The following SSUH2 variants were observed in gnomAD, a reference collection of about 807,000 sequenced individuals.
SSUH2 encodes ssu-2 homolog.
A neutral mutation model predicts 55.3 loss-of-function variants in SSUH2; 47 were observed. The ratio of observed to expected loss-of-function variants is 0.85; its 90% CI spans 0.67 to 1.08. The LOEUF is 1.08. Among genes scored for constraint, SSUH2 ranks in the 50% least tolerant of loss-of-function variants. The pLI is 0.00. For missense variants in SSUH2, 535 were observed against 490.7 expected (o/e 1.09, Z -0.85); for synonymous variants, 212 against 191.5 (o/e 1.11, Z -0.89).
At chr3:8,631,365 T>C (rs1050304493) in intron 5 of SSUH2, among the ~76,000 whole-genome samples, 5 of 152,164 alleles carry the variant, frequency 3.3e-5, no homozygotes, top group African/African-American at 1.2e-4. Flanking sequence ...CACCATCCCA[T>C]CTTCTTCCTC....
chr3:8,623,325 T>C lies in SSUH2; in HGVS notation c.981+224A>G, dbSNP rs1696824510. ...CTGCAATCGCTTCTGGGAATAAAAA[T>C]GCAAACTTCTCCTGCGACCCACGGT... On this transcript the variant is annotated intron_variant, in intron 11 of 11. Coordinates refer to ENST00000544814, the MANE Select transcript of SSUH2 (RefSeq NM_001256748.3). The C allele has an allele frequency of 9.6e-6, 5 of 521,992 alleles. No individual in the cohort carries two copies. The South Asian group carries it at 1.3e-4, about 14-fold the overall frequency. The allele number at this position is 521,992 out of a possible 1,614,324, so 32.3% of individuals were successfully genotyped here.
Position 8,678,879 on chromosome 3 carries a change from T to C in SSUH2, c.-901+826A>G, listed in dbSNP as rs1214146763. ...TCTTCCCCCAGCCTGGCTCTTAGGATCCCCATTGCAAGGGAGGGAGGCACC... is the reference window on the plus strand; with the variant it reads ...TCTTCCCCCAGCCTGGCTCTTAGGACCCCCATTGCAAGGGAGGGAGGCACC... On this transcript the variant is annotated intron_variant, in intron 2 of 18. Transcript: ENST00000317371. Among the ~76,000 whole-genome samples, 172 of 71,626 alleles carry C rather than the reference T, an allele frequency of 2.4e-3. 37 individuals carry two copies. Among genetic ancestry groups the C allele is most frequent in the South Asian group, 4.4e-3 (8 of 1,824 alleles). 47.0% of individuals were successfully genotyped at this position (71,626 alleles called of 152,430 possible).
chr3:8,629,639 C>CACCAGTGGTTCACAGATGACTCA, intron 7 of SSUH2, 25 bp downstream of exon 7: 1 of 1,613,694 alleles, frequency 6.2e-7, no homozygotes, highest in Non-Finnish European at 8.5e-7. Flanking sequence ...CTCACTGACT[C>CACCAGTGGTTCACAGATGACTCA]ACCAGTGGTT....
Position 8,635,858 on chromosome 3 carries a change from C to A in SSUH2, c.29-1G>T. The A allele has an allele frequency of 5.2e-6, 8 of 1,535,852 alleles. No individual in the cohort carries two copies. Among genetic ancestry groups the A allele is most frequent in the Non-Finnish European group, 7.0e-6 (8 of 1,146,742 alleles). On this transcript the variant is annotated splice_acceptor_variant, in intron 1 of 11. Coordinates refer to ENST00000544814, the MANE Select transcript of SSUH2 (RefSeq NM_001256748.3). LOFTEE classifies it high-confidence loss of function. ...GCCTCAAAACTGAGGTCCACCACAC[C>A]TGCAGAAAGACAAGCATTCCTAAGC...
At chr3:8,628,791 A>G (rs1176959675) in intron 7 of SSUH2, among the ~76,000 whole-genome samples, 1 of 152,130 alleles carries the variant, frequency 6.6e-6, no homozygotes. Context: ...CCTAGCCCAC[A>G]CCTTGATTTT....
At chr3:8,657,081 A>G (rs1475399764) in intron 7 of SSUH2, among the ~76,000 whole-genome samples, 2 of 152,152 alleles carry the variant, frequency 1.3e-5, no homozygotes, top group Non-Finnish European at 2.9e-5. Context: ...GGGTTTTGCC[A>G]TGTTGGCCAA....
chr3:8,634,532 C>T (rs761089081), intron 3 of SSUH2: 96 of 1,289,676 alleles, frequency 7.4e-5, no homozygotes, highest in Non-Finnish European at 9.0e-5. Flanking sequence ...CCAGCATCCT[C>T]CAGCCCTGGC....
intron 9 of SSUH2, among the ~76,000 whole-genome samples, 197 bp from the exon 10 acceptor site, chr3:8,625,844 T>A (rs1373950303): frequency 1.3e-5 from 2 of 152,178 alleles, no homozygotes; most frequent in East Asian, 1.9e-4. Flanking sequence ...TTCAGCTCCA[T>A]TACCTCATTT....
intron 7 of SSUH2, among the ~76,000 whole-genome samples, chr3:8,653,871 G>A (rs761545393): frequency 5.3e-5 from 8 of 152,080 alleles, no homozygotes; most frequent in African/African-American, 1.7e-4. Context: ...GCCACTTTCC[G>A]GTACTCACTC....
intron 4 of SSUH2, among the ~76,000 whole-genome samples, chr3:8,633,226 C>T (rs1377936457): frequency 2.6e-5 from 4 of 150,966 alleles, no homozygotes; most frequent in African/African-American, 9.7e-5. Flanking sequence ...TCACCACAAC[C>T]TCCGCCTCCC....
At chr3:8,648,489 T>C (rs1345479124), upstream of SSUH2, among the ~76,000 whole-genome samples, 1 of 152,172 alleles carries the variant, frequency 6.6e-6, no homozygotes, top group African/African-American at 2.4e-5. Context: ...GAAGGTCACC[T>C]TCCACCTTTC....
At chr3:8,655,642 G>A (rs1217391764) in intron 7 of SSUH2, among the ~76,000 whole-genome samples, 4 of 152,186 alleles carry the variant, frequency 2.6e-5, no homozygotes, top group Admixed American at 6.5e-5. Flanking sequence ...CTTGGAACTC[G>A]TTATGCACAC....
chr3:8,659,608 A>C, intron 6 of SSUH2: 1 of 329,248 alleles, frequency 3.0e-6, no homozygotes. Context: ...AATCTGCTGG[A>C]GGCCGGGGGC....
At chr3:8,675,305 C>A (rs1455849528) in intron 3 of SSUH2, among the ~76,000 whole-genome samples, 1 of 152,170 alleles carries the variant, frequency 6.6e-6, no homozygotes, top group African/African-American at 2.4e-5. Flanking sequence ...TACACTTGGA[C>A]CGGGCTTCCC....
At chr3:8,635,715 G>C (rs916343632) in intron 2 of SSUH2, 44 bp downstream of exon 2, 1 of 1,494,818 alleles carries the variant, frequency 6.7e-7, no homozygotes, top group African/African-American at 1.4e-5. Context: ...ACCAGCGTGA[G>C]CCCTAGGTAG....
At chr3:8,648,384 C>A (rs1458519068), upstream of SSUH2, among the ~76,000 whole-genome samples, 1 of 152,176 alleles carries the variant, frequency 6.6e-6, no homozygotes, top group Non-Finnish European at 1.5e-5. Flanking sequence ...TACTTAGTGG[C>A]TTGGCCCGTG....
At chr3:8,628,866 G>GT (rs1437241111) in intron 7 of SSUH2, among the ~76,000 whole-genome samples, 1 of 152,060 alleles carries the variant, frequency 6.6e-6, no homozygotes, top group Non-Finnish European at 1.5e-5. Context: ...TTTGTTTTTT[G>GT]TTTTTTTGAG....
chr3:8,633,606 C>T, intron 4 of SSUH2, 60 bp downstream of exon 4: 1 of 1,407,320 alleles, frequency 7.1e-7, no homozygotes, highest in Non-Finnish European at 9.4e-7. Context: ...CTCCACTGTC[C>T]CAAAGCCCCC....
intron 2 of SSUH2, 86 bp from the exon 3 acceptor site, chr3:8,635,467 T>C (rs985729277): frequency 3.0e-5 from 30 of 1,016,694 alleles, no homozygotes; most frequent in Non-Finnish European, 4.0e-5. Flanking sequence ...ACTGATTGAA[T>C]GTGAGAAAGA....
Sources: allele counts gnomAD v4.1 joint callset (sites outside exome capture counted in the v4.1 genomes callset), GRCh38; gene constraint gnomAD v4.1.1; transcripts MANE v1.5; gene names NCBI Gene and HGNC (gene_info 2026-07-23, HGNC 2026-07-21).